The following GALNT14 variants were observed in gnomAD, a reference collection of about 807,000 sequenced individuals.
GALNT14 encodes UDP-GalNAc:polypeptide N-acetylgalactosaminyltransferase 14.
Under a neutral mutation model 77.5 loss-of-function variants are expected in GALNT14, and 60 were observed. The ratio of observed to expected loss-of-function variants is 0.77; its 90% confidence interval spans 0.63 to 0.96. GALNT14 has a LOEUF of 0.96. Ranked by LOEUF, GALNT14 falls within the 40% of genes least tolerant of loss-of-function variation. GALNT14 has a pLI of 0.00. For missense variants in GALNT14, 710 were observed against 731.0 expected, an observed-to-expected ratio of 0.97 and a Z score of 0.33; for synonymous variants, 280 against 281.7, an observed-to-expected ratio of 0.99 and a Z score of 0.06.
At chr2:30,888,030 C>T in the GALNT14 span, among the ~76,000 whole-genome samples, 1 of 152,156 alleles carries the variant, frequency 6.6e-6, no homozygotes, top group African/African-American at 2.4e-5. Flanking sequence ...ACCTGTTGGT[C>T]TGGGACATCC....
intron 3 of GALNT14, among the ~76,000 whole-genome samples, chr2:30,961,013 C>A (rs1667659671): frequency 6.6e-6 from 1 of 152,240 alleles, no homozygotes; most frequent in Admixed American, 6.5e-5. Context: ...GGCTTCTACA[C>A]CTGCTGCACC....
At chr2:31,108,879 A>C (rs1282841159) in intron 1 of GALNT14, among the ~76,000 whole-genome samples, 1 of 152,242 alleles carries the variant, frequency 6.6e-6, no homozygotes, top group East Asian at 1.9e-4. Flanking sequence ...CAGACTGAAA[A>C]GAGCTTGGAC....
chr2:31,108,384 C>T (rs190766136), intron 1 of GALNT14, among the ~76,000 whole-genome samples: 1 of 152,292 alleles, frequency 6.6e-6, no homozygotes, highest in East Asian at 1.9e-4. Flanking sequence ...AAGTTTTTTC[C>T]GAGTTAGGGA....
intron 1 of GALNT14, among the ~76,000 whole-genome samples, chr2:31,098,535 T>C (rs1180559193): frequency 2.6e-5 from 4 of 152,152 alleles, no homozygotes; most frequent in African/African-American, 9.7e-5. Flanking sequence ...CCCCAGTTCA[T>C]GTCACAACCC....
intron 1 of GALNT14, among the ~76,000 whole-genome samples, chr2:30,996,681 T>C (rs1336572204): frequency 1.3e-5 from 2 of 152,202 alleles, no homozygotes; most frequent in Non-Finnish European, 2.9e-5. Context: ...GGGAGCACCA[T>C]GTGCTGTGAG....
intron 1 of GALNT14, among the ~76,000 whole-genome samples, chr2:31,056,214 G>T (rs1055463439): frequency 9.2e-5 from 14 of 152,284 alleles, no homozygotes; most frequent in African/African-American, 3.4e-4. Context: ...TCCAAAGTAG[G>T]CAGGTGATGA....
chr2:31,081,940 G>A (rs1676176124), intron 1 of GALNT14, among the ~76,000 whole-genome samples: 1 of 152,182 alleles, frequency 6.6e-6, no homozygotes, highest in Non-Finnish European at 1.5e-5. Flanking sequence ...CCTTTGGAGT[G>A]CAAGATGTTA....
At chr2:30,918,341 CTG>C (rs1420322195) in intron 13 of GALNT14, among the ~76,000 whole-genome samples, 1 of 152,352 alleles carries the variant, frequency 6.6e-6, no homozygotes, top group Admixed American at 6.5e-5. Flanking sequence ...TTACTCAACT[CTG>C]TACCACAGTT....
intron 9 of GALNT14, among the ~76,000 whole-genome samples, chr2:30,934,595 C>A (rs1214177536): frequency 6.6e-6 from 1 of 152,028 alleles, no homozygotes; most frequent in Non-Finnish European, 1.5e-5. Flanking sequence ...TCCTATGATC[C>A]CTCCTCCCAG....
chr2:31,054,494 G>C (rs532785152), intron 1 of GALNT14, among the ~76,000 whole-genome samples: 3 of 152,134 alleles, frequency 2.0e-5, no homozygotes, highest in African/African-American at 7.2e-5. Flanking sequence ...CCTCCACTGA[G>C]AGCAGATTCT....
At chr2:30,954,070 C>T (rs1282095853) in intron 6 of GALNT14, among the ~76,000 whole-genome samples, 1 of 152,042 alleles carries the variant, frequency 6.6e-6, no homozygotes, top group African/African-American at 2.4e-5. Flanking sequence ...GCTGGCCACG[C>T]AGTCAGGAAA....
intron 1 of GALNT14, among the ~76,000 whole-genome samples, chr2:31,042,047 G>A (rs1003183698): frequency 7.2e-5 from 11 of 152,180 alleles, no homozygotes; most frequent in Non-Finnish European, 1.6e-4. Context: ...CTGATGAGAT[G>A]CTTAGCAGGT....
chr2:30,959,635 T>A (rs986131273), intron 3 of GALNT14, among the ~76,000 whole-genome samples: 2 of 152,220 alleles, frequency 1.3e-5, no homozygotes, highest in African/African-American at 4.8e-5. Flanking sequence ...TAAAAAGCAT[T>A]TAACATGATA....
chr2:31,075,328 C>T (rs1014998865), intron 1 of GALNT14, among the ~76,000 whole-genome samples: 9 of 152,190 alleles, frequency 5.9e-5, no homozygotes, highest in African/African-American at 2.2e-4. Context: ...TGCCCAGTCT[C>T]AGGTATTCCT....
At chr2:30,896,521 G>T in the GALNT14 span, among the ~76,000 whole-genome samples, 1 of 152,142 alleles carries the variant, frequency 6.6e-6, no homozygotes, top group Non-Finnish European at 1.5e-5. Flanking sequence ...AATAAGAGTA[G>T]CTATTATTAT....
At chr2:31,018,828 T>C (rs765882053) in intron 1 of GALNT14, among the ~76,000 whole-genome samples, 6 of 152,162 alleles carry the variant, frequency 3.9e-5, no homozygotes, top group Non-Finnish European at 5.9e-5. Flanking sequence ...TGACCTTTCA[T>C]TGTGGCCTGC....
At chr2:30,900,555 A>C in the GALNT14 span, among the ~76,000 whole-genome samples, 1 of 152,206 alleles carries the variant, frequency 6.6e-6, no homozygotes, top group Non-Finnish European at 1.5e-5. Context: ...TGTCTACAAT[A>C]AGATATGGTC....
At chr2:30,946,345 C>T (rs894346091) in intron 6 of GALNT14, among the ~76,000 whole-genome samples, 1 of 152,136 alleles carries the variant, frequency 6.6e-6, no homozygotes, top group Non-Finnish European at 1.5e-5. Flanking sequence ...GTGACTGGAT[C>T]ATAAGGGTGG....
In GALNT14 at chr2:30,955,906, A is replaced by G; in HGVS notation, c.532+6T>C. 6.2e-7 allele frequency: 1 copy of G among 1,613,786 alleles called. No individual in the cohort carries two copies. Among genetic ancestry groups the G allele is most frequent in the Non-Finnish European group, 8.5e-7 (1 of 1,180,010 alleles). The stretch of plus-strand genomic sequence containing the variant: ...TGGAGGCTCCCGCACAACAGCTCAG[A>G]CCTACCTTGCCGTTCATTATTGCGC... On this transcript the variant is annotated splice_donor_region_variant and intron_variant, in intron 5 of 14. Transcript: ENST00000349752.
Sources: gnomAD v4.1 joint callset for allele counts (sites outside exome capture counted in the v4.1 genomes callset) on GRCh38, gnomAD v4.1.1 for gene constraint, MANE v1.5 for transcripts, NCBI Gene and HGNC (gene_info 2026-07-23, HGNC 2026-07-21) for gene names.